MYCBP2: variants seen among roughly 807,000 people sequenced by gnomAD.
The protein encoded by MYCBP2 is E3 ubiquitin-protein ligase MYCBP2.
In MYCBP2, 120 loss-of-function variants were observed where a neutral mutation model predicts 525.3. The observed-to-expected ratio is 0.23, with a 90% CI of 0.20 to 0.27. The LOEUF is 0.27. Among genes scored for constraint, MYCBP2 ranks in the 10% least tolerant of loss-of-function variants. MYCBP2 has a pLI of 1.00. For missense variants in MYCBP2, 4,149 were observed against 5,657.1 expected, an observed-to-expected ratio of 0.73 and a Z score of 8.55; for synonymous variants, 1,894 against 1,955.8, an observed-to-expected ratio of 0.97 and a Z score of 0.83.
At chr13:77,301,203 T>A (rs2078752412) in intron 1 of MYCBP2, among the ~76,000 whole-genome samples, 1 of 151,486 alleles carries the variant, frequency 6.6e-6, no homozygotes, top group Non-Finnish European at 1.5e-5. Flanking sequence ...TTACTTGAGG[T>A]CAGGAGTTCG....
rs1314524192 is a variant in MYCBP2 at position 77,262,039 on chromosome 13, A to G, written c.1647+14T>C. 5 of 1,602,400 alleles carry G rather than the reference A, an allele frequency of 3.1e-6. No homozygotes were observed. The highest frequency in any genetic ancestry group is 4.3e-6 in the Non-Finnish European group (5 of 1,171,946). ...CAGAGAATGCTCATTTTTAATCCAAAGAGAATAATTTACCTTTCCATTTGC... is the reference window on the plus strand; with the variant it reads ...CAGAGAATGCTCATTTTTAATCCAAGGAGAATAATTTACCTTTCCATTTGC... On this transcript the variant is annotated intron_variant, in intron 11 of 82. Coordinates refer to ENST00000544440, the MANE Select transcript of MYCBP2 (RefSeq NM_015057.5).
chr13:77,225,049 T>C (rs1284544489), intron 19 of MYCBP2, among the ~76,000 whole-genome samples: 3 of 152,228 alleles, frequency 2.0e-5, no homozygotes, highest in African/African-American at 4.8e-5. Flanking sequence ...AATTTAATTA[T>C]TTTCTACATT....
chr13:77,206,313 A>T (rs1034435312), intron 24 of MYCBP2, among the ~76,000 whole-genome samples: 2 of 150,320 alleles, frequency 1.3e-5, no homozygotes, highest in Non-Finnish European at 3.0e-5. Flanking sequence ...ATTTTATAGA[A>T]TTTATTTAAC....
rs759653004 is a variant in MYCBP2, at chr13:77,059,568, T to G, written c.13095A>C (p.Thr4365=). The G allele has an allele frequency of 1.2e-6, 2 of 1,614,172 alleles. No homozygotes were observed. The highest frequency in any genetic ancestry group is 1.7e-6 in the Non-Finnish European group (2 of 1,180,012). Residue 4365 remains threonine (T), a synonymous_variant, in exon 77 of 83, where the codon ACA becomes ACC. Transcript: ENST00000544440. ...AAACACTGCCAACAGCAGATAACTCTGTTCCACTCCTGGAACCACAGAAGC... is the reference window on the plus strand; with the variant it reads ...AAACACTGCCAACAGCAGATAACTCGGTTCCACTCCTGGAACCACAGAAGC... ...ACRFCGSRSG[T]ELSAVGSVCS...
At position 77,095,506 on chromosome 13, in the gene MYCBP2, G is replaced by A. The variant is rs2046102944; in HGVS notation, c.10051C>T (p.Leu3351=). ...HQVIKANALF[L]LSLSSAAEPS... is the part of the protein sequence containing the mutation. Reference sequence around the variant, plus strand: ...TCTGCTGCACTGCTCAGGGACAGCAGGAAGAGTGCATTGGCTTTAATCACC... The same window carrying A: ...TCTGCTGCACTGCTCAGGGACAGCAAGAAGAGTGCATTGGCTTTAATCACC... Residue 3351 remains leucine (L), a synonymous_variant, in exon 58 of 83, where the codon CTG becomes TTG. Transcript: ENST00000544440. 2 of 1,613,474 alleles carry A rather than the reference G, an allele frequency of 1.2e-6. No individual in the cohort carries two copies. Among genetic ancestry groups the A allele is most frequent in the South Asian group, 1.1e-5 (1 of 91,078 alleles).
intron 2 of MYCBP2, among the ~76,000 whole-genome samples, chr13:77,289,094 A>T (rs1594692156): frequency 6.6e-6 from 1 of 152,130 alleles, no homozygotes; most frequent in East Asian, 1.9e-4. Context: ...TTCAACTTCC[A>T]ATAATTAGAG....
At chr13:77,130,390 C>T (rs1401699549) in intron 52 of MYCBP2, among the ~76,000 whole-genome samples, 2 of 151,168 alleles carry the variant, frequency 1.3e-5, no homozygotes, top group African/African-American at 4.9e-5. Flanking sequence ...TTTTCTAGTT[C>T]TATATTTTCC....
chr13:77,052,826 A>AT (rs1566284451), intron 80 of MYCBP2, among the ~76,000 whole-genome samples: 1 of 152,120 alleles, frequency 6.6e-6, no homozygotes, highest in Non-Finnish European at 1.5e-5. Flanking sequence ...CTGATCACAC[A>AT]TTTTTTAAGA....
In MYCBP2 at chr13:77,185,194, T is replaced by C. The variant is rs1346239443; in HGVS notation, c.4628A>G (p.His1543Arg). 1.2e-6 allele frequency: 2 copies of C among 1,614,110 alleles called. No homozygotes were observed. Among genetic ancestry groups the C allele is most frequent in the Admixed American group, 1.7e-5 (1 of 60,018 alleles). ...SLLEAVLQEC[H>R]NTFTACFHSF... ...ATGAAAGCAGGCAGTGAAAGTATTA[T>C]GACATTCCTGAAGGACAGCTTCTAG... The change falls in exon 32 of 83, where the codon CAT becomes CGT. Residue 1543 changes from histidine (H) to arginine (R), a missense_variant. His to Arg is a conservative substitution (Grantham distance 29). Transcript: ENST00000544440.
At chr13:77,235,925 G>A (rs1019131901) in intron 17 of MYCBP2, among the ~76,000 whole-genome samples, 1 of 152,004 alleles carries the variant, frequency 6.6e-6, no homozygotes, top group Non-Finnish European at 1.5e-5. Context: ...AAGGGCAAGG[G>A]AAAAGAAATG....
rs948008267 is a variant in MYCBP2 at position 77,126,357 on chromosome 13, T to C, written c.7845A>G (p.Gly2615=). 2.1e-5 allele frequency: 34 copies of C among 1,613,860 alleles called. No homozygotes were observed. The highest frequency in any genetic ancestry group is 2.8e-5 in the Non-Finnish European group (33 of 1,179,810). The change falls in exon 53 of 83, where the codon GGA becomes GGG. Residue 2615 remains glycine, a synonymous_variant. Coordinates refer to ENST00000544440, the MANE Select transcript of MYCBP2 (RefSeq NM_015057.5). ...SCPNLRGIPI[G]MLVLGNKVKA... is the part of the protein sequence containing the mutation. ...TGACTTTGTTTCCCAGAACTAACAT[T>C]CCAATTGGGATACCTCTAAGGTTAG...
chr13:77,055,847 A>G (rs2037845643), intron 79 of MYCBP2, 80 bp from the exon 80 acceptor site: 3 of 939,696 alleles, frequency 3.2e-6, no homozygotes, highest in South Asian at 1.5e-5. Context: ...CCTAAGTGCC[A>G]AGCATTGTGC....
Position 77,051,899 on chromosome 13 carries a change from G to A in MYCBP2, c.13667C>T (p.Ala4556Val). The part of the protein sequence containing the change: ...KCRKAYFGGE[A>V]RCDAEAGRGD... ...CCGTCCAGCCTCAGCATCGCAGCGA[G>A]CTTCACCACCAAAATATGCCTGTGG... The change falls in exon 81 of 83, where the codon GCT becomes GTT. Residue 4556 changes from alanine to valine, a missense_variant. By Grantham distance (64) the Ala-to-Val change is moderately conservative. Coordinates refer to ENST00000544440, the MANE Select transcript of MYCBP2 (RefSeq NM_015057.5). 6.2e-7 allele frequency: 1 copy of A among 1,614,092 alleles called. No homozygotes were observed. The highest frequency in any genetic ancestry group is 1.1e-5 in the South Asian group (1 of 91,074).
chr13:77,185,426 G>T (rs767814725), intron 31 of MYCBP2, 49 bp from the exon 32 acceptor site: 1 of 1,539,306 alleles, frequency 6.5e-7, no homozygotes, highest in Non-Finnish European at 8.8e-7. Flanking sequence ...TATTAAATAT[G>T]CATGAAAACA....
chr13:77,116,356 G>A (rs889397620), intron 55 of MYCBP2, among the ~76,000 whole-genome samples: 1 of 151,994 alleles, frequency 6.6e-6, no homozygotes, highest in Non-Finnish European at 1.5e-5. Flanking sequence ...GGGATACATG[G>A]TAGTGAGGTT....
intron 40 of MYCBP2, among the ~76,000 whole-genome samples, chr13:77,168,120 G>A (rs1048377112): frequency 6.6e-6 from 1 of 152,090 alleles, no homozygotes; most frequent in Non-Finnish European, 1.5e-5. Flanking sequence ...ATTTAAAATT[G>A]TTAATGCTTA....
intron 60 of MYCBP2, 78 bp downstream of exon 60, chr13:77,090,028 A>G (rs1167960913): frequency 3.9e-6 from 5 of 1,276,836 alleles, no homozygotes; most frequent in Non-Finnish European, 4.2e-6. Flanking sequence ...TAAATTTTAA[A>G]AATTATATGC....
chr13:77,313,286 C>T (rs958797202), intron 1 of MYCBP2, among the ~76,000 whole-genome samples: 1 of 151,818 alleles, frequency 6.6e-6, no homozygotes, highest in African/African-American at 2.4e-5. Context: ...CCTAGGATTC[C>T]ACCTTAAGAA....
At chr13:77,154,404 G>C (rs1017338092) in intron 46 of MYCBP2, among the ~76,000 whole-genome samples, 4 of 149,504 alleles carry the variant, frequency 2.7e-5, no homozygotes, top group African/African-American at 9.8e-5. Flanking sequence ...AAGAGGAGAG[G>C]GAAGAAGAGA....
Sources: allele counts gnomAD v4.1 joint callset (sites outside exome capture counted in the v4.1 genomes callset), GRCh38; gene constraint gnomAD v4.1.1; transcripts MANE v1.5; gene names NCBI Gene and HGNC (gene_info 2026-07-23, HGNC 2026-07-21).